The following RERE variants were observed in gnomAD, a reference collection of about 807,000 sequenced individuals.
RERE encodes the protein arginine-glutamic acid dipeptide repeats, also known as arginine-glutamic acid dipeptide repeats protein.
A neutral mutation model predicts 146.1 loss-of-function variants in RERE; 40 were observed. That is an observed-to-expected ratio of 0.27 (90% confidence interval 0.21 to 0.36). RERE has a LOEUF of 0.36. RERE is among the 10% of genes least tolerant of loss of function. The pLI, the probability that RERE is intolerant of heterozygous loss-of-function variation, is 1.00. For missense variants in RERE, 1,933 were observed against 2,138.7 expected (o/e 0.90, Z 1.90); for synonymous variants, 1,003 against 866.0 (o/e 1.16, Z -2.78).
intron 9 of RERE, among the ~76,000 whole-genome samples, chr1:8,496,757 G>A (rs1645051845): frequency 6.6e-6 from 1 of 152,158 alleles, no homozygotes; most frequent in Non-Finnish European, 1.5e-5. Flanking sequence ...CAACTGCCAC[G>A]AGGGTGATCA....
intron 8 of RERE, among the ~76,000 whole-genome samples, chr1:8,500,143 T>TAAC (rs1360232893): frequency 6.6e-6 from 1 of 151,984 alleles, no homozygotes; most frequent in African/African-American, 2.4e-5. Context: ...ACAATAATAA[T>TAAC]AACAACAACA....
chr1:8,423,872 C>A lies in RERE; in HGVS notation c.1204-1065G>T, dbSNP rs1270753759. ...CCGCCCTCCTGTCCGCCAGCCGGGG[C>A]CCCGCGCCCCGGCCCCGGCCCCGCC... On this transcript the variant is annotated intron_variant, in intron 11 of 22. Transcript: ENST00000400908. This position sits in a 1 kb window ranked among gnomAD's most constrained non-coding sequence, Gnocchi z 5.4. The A allele has an allele frequency of 1.7e-5, 3 of 174,430 alleles. No homozygotes were observed. Among genetic ancestry groups the A allele is most frequent in the Non-Finnish European group, 3.3e-5 (3 of 89,584 alleles). The allele number at this position is 174,430 out of a possible 1,614,324, so 10.8% of individuals were successfully genotyped here. A position where few individuals can be genotyped will look rare whatever the true frequency, so the allele number is the denominator to read the frequency against.
rs138328732 is a variant in RERE, at chr1:8,666,693, G to A, written c.-144-10252C>T. ...ATACTTCAAAATATGCCAGAGAATT[G>A]CAGATGAAGCTGCAAGATATCACTG... is the stretch of plus-strand genomic sequence containing the variant. On this transcript the variant is annotated intron_variant, in intron 1 of 22. Coordinates refer to ENST00000400908, the MANE Select transcript of RERE (RefSeq NM_001042681.2). Among the ~76,000 whole-genome samples, 9 of 152,342 alleles carry A rather than the reference G, an allele frequency of 5.9e-5. No individual in the cohort carries two copies. In the East Asian group the frequency reaches 1.2e-3, roughly 20 times the overall value.
At chr1:8,413,845 C>T (rs1436663305) in intron 12 of RERE, among the ~76,000 whole-genome samples, 1 of 151,372 alleles carries the variant, frequency 6.6e-6, no homozygotes, top group African/African-American at 2.4e-5. Flanking sequence ...CATCTGAGGT[C>T]GGGAGTTCAA....
intron 4 of RERE, among the ~76,000 whole-genome samples, chr1:8,590,326 C>G (rs938867055): frequency 2.0e-5 from 3 of 152,086 alleles, no homozygotes; most frequent in African/African-American, 7.2e-5. Flanking sequence ...GAGTCAACCA[C>G]TCAGGGATAC....
At chr1:8,432,510 A>C (rs998066114) in intron 11 of RERE, among the ~76,000 whole-genome samples, 1 of 152,136 alleles carries the variant, frequency 6.6e-6, no homozygotes, top group Admixed American at 6.5e-5. Context: ...CTCTATCCCT[A>C]CACAGAGTCC....
chr1:8,496,150 T>TAAAAA (rs36115213), intron 9 of RERE, among the ~76,000 whole-genome samples: 7 of 118,426 alleles, frequency 5.9e-5, no homozygotes, highest in South Asian at 2.6e-4. Context: ...GACCCTGTCT[T>TAAAAA]AAAAAAAAAA....
chr1:8,682,772 A>G (rs61182016), intron 1 of RERE, among the ~76,000 whole-genome samples: 3,529 of 152,192 alleles, frequency 0.023, 125 homozygotes, highest in African/African-American at 0.079. Context: ...GCAAGTGATG[A>G]CTCATACTTC....
chr1:8,614,231 C>G (rs1462988524), intron 4 of RERE, among the ~76,000 whole-genome samples: 2 of 152,172 alleles, frequency 1.3e-5, no homozygotes, highest in South Asian at 2.1e-4. Context: ...CACACTTGAG[C>G]TCAAACTTAC....
intron 1 of RERE, among the ~76,000 whole-genome samples, chr1:8,725,809 A>T (rs993655071): frequency 3.9e-5 from 6 of 152,196 alleles, no homozygotes; most frequent in Non-Finnish European, 7.4e-5. Flanking sequence ...AAGGTTAAAA[A>T]TTAGAAGAAA....
chr1:8,533,413 AT>A (rs774290557), intron 7 of RERE, among the ~76,000 whole-genome samples: 1 of 152,194 alleles, frequency 6.6e-6, no homozygotes, highest in Non-Finnish European at 1.5e-5. Flanking sequence ...TTAATGGTAC[AT>A]GGTTTCTTCC....
At chr1:8,448,246 AATT>A (rs1644347344) in intron 11 of RERE, among the ~76,000 whole-genome samples, 1 of 152,118 alleles carries the variant, frequency 6.6e-6, no homozygotes, top group Non-Finnish European at 1.5e-5. Context: ...GGGACTATTT[AATT>A]ATTATTACTC....
chr1:8,794,601 G>A (rs996411715), intron 1 of RERE, among the ~76,000 whole-genome samples: 1 of 151,482 alleles, frequency 6.6e-6, no homozygotes, highest in Admixed American at 6.6e-5. Context: ...TTTGTTAAAA[G>A]AGAAGAAAAA....
At chr1:8,612,449 T>C (rs1359572591) in intron 4 of RERE, among the ~76,000 whole-genome samples, 7 of 152,194 alleles carry the variant, frequency 4.6e-5, no homozygotes, top group African/African-American at 1.4e-4. Flanking sequence ...AGAAGATTTA[T>C]CCTTTCACTA....
At chr1:8,669,288 C>A (rs1483146176) in intron 1 of RERE, among the ~76,000 whole-genome samples, 1 of 152,084 alleles carries the variant, frequency 6.6e-6, no homozygotes, top group Non-Finnish European at 1.5e-5. Context: ...GTTGCCCAGG[C>A]TGGTTTCAAA....
chr1:8,579,329 T>C (rs1646335215), intron 4 of RERE, among the ~76,000 whole-genome samples: 1 of 152,196 alleles, frequency 6.6e-6, no homozygotes, highest in Non-Finnish European at 1.5e-5. Flanking sequence ...TAACACATAA[T>C]AGAGCCACCA....
chr1:8,486,077 C>T (rs1011735618), intron 10 of RERE, among the ~76,000 whole-genome samples: 2 of 152,110 alleles, frequency 1.3e-5, no homozygotes, highest in Admixed American at 6.6e-5. Context: ...GAATTACAGG[C>T]GTAAGCCACC....
At chr1:8,476,110 G>A (rs1644752774) in intron 10 of RERE, among the ~76,000 whole-genome samples, 1 of 152,222 alleles carries the variant, frequency 6.6e-6, no homozygotes, top group Non-Finnish European at 1.5e-5. Context: ...GAGTCACATG[G>A]AAGAAAGGAG....
At chr1:8,686,066 C>T (rs534668759) in intron 1 of RERE, among the ~76,000 whole-genome samples, 33 of 151,834 alleles carry the variant, frequency 2.2e-4, no homozygotes, top group Admixed American at 7.9e-4. Context: ...ACTGCAGCCT[C>T]GACTTCCCAA....
Sources: gnomAD v4.1 joint callset for allele counts (sites outside exome capture counted in the v4.1 genomes callset) on GRCh38, gnomAD v4.1.1 for gene constraint, Gnocchi (gnomAD v3.1) non-coding constraint, MANE v1.5 for transcripts, NCBI Gene and HGNC (gene_info 2026-07-23, HGNC 2026-07-21) for gene names.